NRXN3: variants seen among roughly 807,000 people sequenced by gnomAD.
NRXN3 encodes neurexin III.
Under a neutral mutation model 137.6 loss-of-function variants are expected in NRXN3, and 32 were observed. The observed-to-expected ratio is 0.23, with a 90% CI of 0.18 to 0.31. The LOEUF (loss-of-function observed/expected upper bound fraction) is 0.31. NRXN3 is among the 10% of genes least tolerant of loss of function. The pLI is 1.00. For missense variants in NRXN3, 1,574 were observed against 2,062.5 expected (o/e 0.76, Z 4.59); for synonymous variants, 798 against 784.5 (o/e 1.02, Z -0.29).
intron 6 of NRXN3, among the ~76,000 whole-genome samples, chr14:78,669,119 TA>T (rs951351544): frequency 7.3e-5 from 11 of 151,648 alleles, no homozygotes; most frequent in East Asian, 1.9e-4. Context: ...GAACAAAAGT[TA>T]AAAAAAAATT....
intron 8 of NRXN3, among the ~76,000 whole-genome samples, chr14:78,783,711 T>C (rs2098778379): frequency 1.3e-5 from 2 of 152,268 alleles, no homozygotes; most frequent in South Asian, 4.1e-4. Flanking sequence ...AGAAAATACA[T>C]TTGTCCTTCC....
intron 17 of NRXN3, among the ~76,000 whole-genome samples, chr14:79,669,439 A>G (rs546638944): frequency 5.3e-5 from 8 of 152,126 alleles, no homozygotes; most frequent in Admixed American, 2.6e-4. Flanking sequence ...GAATATTCAC[A>G]CTGCTAACTA....
At chr14:79,427,716 C>T (rs753172207) in intron 15 of NRXN3, among the ~76,000 whole-genome samples, 6 of 151,614 alleles carry the variant, frequency 4.0e-5, no homozygotes, top group African/African-American at 9.7e-5. Context: ...CCTGTAATCC[C>T]GGCTACTCAG....
chr14:78,237,252 C>T (rs573267602), intron 1 of NRXN3, among the ~76,000 whole-genome samples: 8 of 152,230 alleles, frequency 5.3e-5, no homozygotes, highest in African/African-American at 1.9e-4. Flanking sequence ...TTTTATGGTC[C>T]AGTATTAGGA....
chr14:78,549,067 A>C (rs2096662644), intron 4 of NRXN3, among the ~76,000 whole-genome samples: 1 of 152,218 alleles, frequency 6.6e-6, no homozygotes, highest in Non-Finnish European at 1.5e-5. Context: ...TGACATGGAA[A>C]TAGCGAGCGA....
At chr14:79,069,225 T>TATAAA (rs2099684484) in intron 15 of NRXN3, among the ~76,000 whole-genome samples, 1 of 152,116 alleles carries the variant, frequency 6.6e-6, no homozygotes, top group African/African-American at 2.4e-5. Flanking sequence ...TACCTGACCA[T>TATAAA]CTCTTTTCTA....
intron 8 of NRXN3, among the ~76,000 whole-genome samples, chr14:78,790,031 T>C (rs1190016836): frequency 2.6e-5 from 4 of 152,192 alleles, no homozygotes. Context: ...ATATTAGTCA[T>C]TGAATGAGAG....
chr14:78,950,950 G>T (rs1156574311), intron 10 of NRXN3, among the ~76,000 whole-genome samples: 14 of 152,056 alleles, frequency 9.2e-5, no homozygotes, highest in African/African-American at 2.9e-4. Context: ...CAGTGAGGCT[G>T]TTTTCATCTA....
chr14:79,660,004 T>C (rs1023886430), intron 16 of NRXN3, among the ~76,000 whole-genome samples: 1 of 152,206 alleles, frequency 6.6e-6, no homozygotes, highest in Non-Finnish European at 1.5e-5. Context: ...ACAACAGCCC[T>C]ATGAAGTACG....
At chr14:78,631,821 A>G (rs1470042218) in intron 4 of NRXN3, among the ~76,000 whole-genome samples, 2 of 152,068 alleles carry the variant, frequency 1.3e-5, no homozygotes, top group South Asian at 4.1e-4. Flanking sequence ...GACTCAATGT[A>G]TCAGGCTCAT....
intron 4 of NRXN3, among the ~76,000 whole-genome samples, chr14:78,532,319 C>T (rs1293302032): frequency 1.4e-5 from 2 of 145,586 alleles, no homozygotes; most frequent in Non-Finnish European, 3.0e-5. Context: ...GAAACTCCAT[C>T]TCAAAAGAAA....
intron 5 of NRXN3, among the ~76,000 whole-genome samples, chr14:78,645,783 G>A (rs1306163901): frequency 6.6e-6 from 1 of 151,932 alleles, no homozygotes; most frequent in Non-Finnish European, 1.5e-5. Context: ...ACTGCATTTT[G>A]TTTCTGCAGC....
Position 78,341,898 on chromosome 14 carries a change from A to G in NRXN3, c.757+44038A>G, listed in dbSNP as rs188625661. ...CCTTCTTGAGGGGACAGAGAACCCC[A>G]GAATAGGGAAGTTGGGCTCTAACTC... On this transcript the variant is annotated intron_variant, in intron 4 of 20. Transcript: ENST00000335750. Among the ~76,000 whole-genome samples, 504 of 152,340 alleles carry G rather than the reference A, an allele frequency of 3.3e-3. 3 individuals are homozygous for G. The highest frequency in any genetic ancestry group is 0.011 in the African/African-American group (475 of 41,588).
chr14:79,666,861 C>T (rs1328101482), intron 17 of NRXN3, among the ~76,000 whole-genome samples: 1 of 151,998 alleles, frequency 6.6e-6, no homozygotes, highest in African/African-American at 2.4e-5. Context: ...AATGTGCTCC[C>T]ATGAAGCAGC....
intron 4 of NRXN3, chr14:78,300,805 T>A: frequency 2.9e-6 from 2 of 693,888 alleles, no homozygotes; most frequent in Admixed American, 2.8e-5. Flanking sequence ...TTAATGCTTT[T>A]AACAACAACT....
At chr14:78,571,520 T>A (rs2096889306) in intron 4 of NRXN3, among the ~76,000 whole-genome samples, 1 of 152,250 alleles carries the variant, frequency 6.6e-6, no homozygotes, top group Non-Finnish European at 1.5e-5. Context: ...AATAAGACTG[T>A]GTTTGAATAC....
chr14:78,837,860 A>T (rs1177986411), intron 10 of NRXN3, among the ~76,000 whole-genome samples: 2 of 152,098 alleles, frequency 1.3e-5, no homozygotes, highest in Non-Finnish European at 2.9e-5. Flanking sequence ...TTGCCTTCAT[A>T]ATTTTTAGCC....
intron 17 of NRXN3, among the ~76,000 whole-genome samples, chr14:79,678,695 C>T (rs146801418): frequency 5.1e-4 from 78 of 152,296 alleles, no homozygotes; most frequent in African/African-American, 1.9e-3. Context: ...ACCTGTCCAT[C>T]TCTTGTCCTA....
At chr14:78,940,836 G>T (rs1393710212) in intron 10 of NRXN3, among the ~76,000 whole-genome samples, 1 of 151,878 alleles carries the variant, frequency 6.6e-6, no homozygotes, top group Non-Finnish European at 1.5e-5. Context: ...TGATCTGTTG[G>T]GCACCTAATG....
Sources: allele counts gnomAD v4.1 joint callset (sites outside exome capture counted in the v4.1 genomes callset), GRCh38; gene constraint gnomAD v4.1.1; transcripts MANE v1.5; gene names NCBI Gene and HGNC (gene_info 2026-07-23, HGNC 2026-07-21).